The following INTS15 variants were observed in gnomAD, a reference collection of about 807,000 sequenced individuals.
The protein encoded by INTS15 is integrator complex subunit 15.
At chr7:6,608,180 T>TGA in the INTS15 span, 1 of 1,546,552 alleles carries the variant, frequency 6.5e-7, no homozygotes, top group Non-Finnish European at 8.7e-7. Context: ...GTGTGTGCCT[T>TGA]CTGCGCTCTC....
chr7:6,607,988 G>T, the INTS15 span: 1 of 1,600,284 alleles, frequency 6.2e-7, no homozygotes, highest in South Asian at 1.1e-5. This position sits in a 1 kb window ranked among gnomAD's most constrained non-coding sequence, Gnocchi z 6.0. Flanking sequence ...CTCGGGTCCC[G>T]TGCAGCAGTC....
At chr7:6,598,069 C>T in the INTS15 span, among the ~76,000 whole-genome samples, 1 of 152,204 alleles carries the variant, frequency 6.6e-6, no homozygotes, top group Non-Finnish European at 1.5e-5. Flanking sequence ...ACATTTTCTA[C>T]AGGCTGGTAG....
the INTS15 span, among the ~76,000 whole-genome samples, chr7:6,598,387 T>A: frequency 0.31 from 46,764 of 149,934 alleles, 7,442 homozygotes; most frequent in Admixed American, 0.39. Flanking sequence ...GAGAATCGCT[T>A]GAACCCGGGA....
At chr7:6,602,601 C>T in the INTS15 span, 1 of 452,436 alleles carries the variant, frequency 2.2e-6, no homozygotes, top group Admixed American at 2.4e-5. Context: ...GTCTCTTGAC[C>T]TGTCTCTATG....
At chr7:6,596,945 A>AT in the INTS15 span, among the ~76,000 whole-genome samples, 2 of 151,430 alleles carry the variant, frequency 1.3e-5, no homozygotes, top group Admixed American at 1.3e-4. Flanking sequence ...CACCCGGCTA[A>AT]TTTTTTGTAT....
the INTS15 span, chr7:6,600,223 G>A: frequency 2.5e-6 from 4 of 1,614,204 alleles, no homozygotes; most frequent in South Asian, 3.3e-5. Context: ...TGGTCCCGCT[G>A]GTAGAGGAGA....
chr7:6,598,789 T>TGTGTG, the INTS15 span, among the ~76,000 whole-genome samples: 17 of 41,134 alleles, frequency 4.1e-4, no homozygotes, highest in African/African-American at 8.1e-4. Context: ...GTGTGTGTAT[T>TGTGTG]TTTTTTTTTT....
chr7:6,608,495 C>A, the INTS15 span: 2 of 1,202,388 alleles, frequency 1.7e-6, no homozygotes, highest in Admixed American at 4.4e-5. Context: ...GGTGCAAGCC[C>A]GTGTGTCTGG....
the INTS15 span, among the ~76,000 whole-genome samples, chr7:6,591,449 A>G: frequency 6.6e-6 from 1 of 151,620 alleles, no homozygotes; most frequent in Non-Finnish European, 1.5e-5. Context: ...TATTTTTAGT[A>G]GAGATGGGGT....
At chr7:6,601,220 C>G in the INTS15 span, among the ~76,000 whole-genome samples, 1 of 152,168 alleles carries the variant, frequency 6.6e-6, no homozygotes, top group African/African-American at 2.4e-5. Context: ...ATCTTCCTGC[C>G]TCAGCCTCCC....
chr7:6,596,524 G>A, the INTS15 span, among the ~76,000 whole-genome samples: 7 of 150,938 alleles, frequency 4.6e-5, no homozygotes, highest in Non-Finnish European at 8.8e-5. Flanking sequence ...GATTGTAGGT[G>A]TGCGCCACCA....
the INTS15 span, among the ~76,000 whole-genome samples, chr7:6,600,854 C>A: frequency 2.6e-5 from 4 of 152,296 alleles, no homozygotes; most frequent in African/African-American, 9.6e-5. Context: ...GACAGTTGCA[C>A]TATGTTGGCC....
the INTS15 span, among the ~76,000 whole-genome samples, chr7:6,593,768 G>A: frequency 6.6e-6 from 1 of 151,030 alleles, no homozygotes; most frequent in East Asian, 2.0e-4. Flanking sequence ...TTCCGCCTCG[G>A]CCTCCTGAGT....
chr7:6,608,108 CCCGGCCACACCTTCATCT>C, the INTS15 span: 3 of 1,535,750 alleles, frequency 2.0e-6, no homozygotes, highest in Non-Finnish European at 2.6e-6. Flanking sequence ...GCCCACGCAT[CCCGGCCACACCTTCATCT>C]CCGGCGTGAC....
the INTS15 span, among the ~76,000 whole-genome samples, chr7:6,606,183 T>C: frequency 6.6e-6 from 1 of 150,610 alleles, no homozygotes; most frequent in African/African-American, 2.5e-5. Context: ...GCTAAGTTAC[T>C]TACCCAGGGT....
the INTS15 span, among the ~76,000 whole-genome samples, chr7:6,597,800 G>C: frequency 6.6e-6 from 1 of 152,180 alleles, no homozygotes; most frequent in African/African-American, 2.4e-5. Context: ...ACACAGCAGT[G>C]GCCCTGGAAG....
the INTS15 span, among the ~76,000 whole-genome samples, chr7:6,598,691 T>C: frequency 6.8e-6 from 1 of 148,094 alleles, no homozygotes; most frequent in Non-Finnish European, 1.5e-5. Flanking sequence ...TATAGCCTCC[T>C]GATTAAAAGC....
At chr7:6,607,929 C>T in the INTS15 span, 1 of 1,596,602 alleles carries the variant, frequency 6.3e-7, no homozygotes. This position sits in a 1 kb window ranked among gnomAD's most constrained non-coding sequence, Gnocchi z 6.0. Context: ...CCGGAGCCCG[C>T]CCGCGCTGAC....
At chr7:6,605,792 G>A in the INTS15 span, among the ~76,000 whole-genome samples, 4 of 151,796 alleles carry the variant, frequency 2.6e-5, no homozygotes, top group African/African-American at 7.3e-5. Flanking sequence ...TCTGCCTCCC[G>A]GGTTCAAGCG....
Sources: allele counts gnomAD v4.1 joint callset (sites outside exome capture counted in the v4.1 genomes callset), GRCh38; gene constraint gnomAD v4.1.1; non-coding constraint Gnocchi (gnomAD v3.1); transcripts MANE v1.5; gene names NCBI Gene and HGNC (gene_info 2026-07-23, HGNC 2026-07-21).